Variants in ZNF345 observed in about 807,000 individuals in gnomAD.
ZNF345 encodes zinc finger protein 345, also known as zinc finger protein HZF10.
For missense variants in ZNF345, 527 were observed against 589.9 expected, an observed-to-expected ratio of 0.89 and a Z score of 1.10; for synonymous variants, 166 against 187.9, an observed-to-expected ratio of 0.88 and a Z score of 0.95.
At position 36,878,431 on chromosome 19, in the gene ZNF345, A is replaced by G. The variant is rs1159758459; in HGVS notation, c.*134A>G. 1.4e-6 allele frequency: 1 copy of G among 699,836 alleles called. No individual in the cohort carries two copies. Among genetic ancestry groups the G allele is most frequent in the Non-Finnish European group, 2.2e-6 (1 of 464,724 alleles). The allele number at this position is 699,836 out of a possible 1,614,324, so 43.4% of individuals were successfully genotyped here. ...GGTTAGTCAGTCTAAGAATATTTAT[A>G]CAGGAAAAAAATCACCCCAAATAAA... On this transcript the variant is annotated 3_prime_UTR_variant, in exon 3 of 3. Transcript: ENST00000420450.
Position 36,877,244 on chromosome 19 carries a change from A to G in ZNF345, c.414A>G (p.Arg138=), listed in dbSNP as rs141127636. Residue 138 remains arginine (R), a synonymous_variant, in exon 3 of 3, where the codon AGA becomes AGG. Coordinates refer to ENST00000420450, the MANE Select transcript of ZNF345 (RefSeq NM_001242472.2). ...GSGSNLTHHQ[R]IHTGEKPYEC... ...GCTCAAACCTTACTCACCATCAGAG[A>G]ATTCATACTGGTGAGAAACCCTATG... is the stretch of plus-strand genomic sequence containing the variant. The G allele has an allele frequency of 8.5e-3, 13,647 of 1,614,094 alleles. 74 individuals carry two copies. Among genetic ancestry groups the G allele is most frequent in the Non-Finnish European group, 9.6e-3 (11,335 of 1,179,998 alleles).
At chr19:36,853,037 C>A (rs772653198) in intron 2 of ZNF345, among the ~76,000 whole-genome samples, 1 of 151,616 alleles carries the variant, frequency 6.6e-6, no homozygotes, top group African/African-American at 2.4e-5. Context: ...GTAAATTAAT[C>A]TTTTTTCAGT....
chr19:36,880,977 G>C (rs1470273656), downstream of ZNF345, among the ~76,000 whole-genome samples: 1 of 151,856 alleles, frequency 6.6e-6, no homozygotes, highest in African/African-American at 2.4e-5. Context: ...GCTGGAGAAA[G>C]AATAACTACA....
upstream of ZNF345, chr19:36,850,441 A>G (rs1483879326): frequency 2.6e-5 from 4 of 152,454 alleles, no homozygotes; most frequent in East Asian, 7.7e-4. Flanking sequence ...TCAACTTCCA[A>G]TACAACAGCA....
At chr19:36,855,825 C>T (rs1378854347) in intron 2 of ZNF345, among the ~76,000 whole-genome samples, 3 of 152,320 alleles carry the variant, frequency 2.0e-5, no homozygotes, top group Admixed American at 6.5e-5. Flanking sequence ...TAATTTCTGC[C>T]TCTACATCTT....
intron 2 of ZNF345, among the ~76,000 whole-genome samples, chr19:36,857,823 G>T (rs962495633): frequency 6.6e-6 from 1 of 151,850 alleles, no homozygotes; most frequent in African/African-American, 2.4e-5. Flanking sequence ...TTGTCACCCC[G>T]GCTGGAGTGC....
downstream of ZNF345, among the ~76,000 whole-genome samples, chr19:36,882,510 G>C (rs1177946880): frequency 1.3e-5 from 2 of 152,022 alleles, no homozygotes; most frequent in African/African-American, 4.8e-5. Flanking sequence ...CTCGTGATCC[G>C]CCCGCCTCGG....
chr19:36,878,296 G>C lies in ZNF345; in HGVS notation c.1466G>C (p.Ter489SerextTer9), dbSNP rs1189835476. ...CTCTGCGAATTGGAAACTATAAATTGAAATTATGTGCTGAAGGAAGGACTC... is the reference window on the plus strand; with the variant it reads ...CTCTGCGAATTGGAAACTATAAATTCAAATTATGTGCTGAAGGAAGGACTC... ...KKLCELETIN[*>S] The change falls in exon 3 of 3, where the codon TGA (stop) becomes TCA (serine). Residue 489 changes from the stop codon to serine, a stop_lost. Coordinates refer to ENST00000420450, the MANE Select transcript of ZNF345 (RefSeq NM_001242472.2). 1 of 1,557,796 alleles carries C rather than the reference G, an allele frequency of 6.4e-7. No homozygotes were observed. The highest frequency in any genetic ancestry group is 1.3e-5 in the South Asian group (1 of 79,926).
At chr19:36,869,981 A>C (rs2072740996) in intron 2 of ZNF345, among the ~76,000 whole-genome samples, 1 of 152,262 alleles carries the variant, frequency 6.6e-6, no homozygotes, top group South Asian at 2.1e-4. Context: ...GGGTTTCACC[A>C]TGTGGGCCAG....
downstream of ZNF345, among the ~76,000 whole-genome samples, chr19:36,883,253 C>CA (rs2072978858): frequency 6.6e-6 from 1 of 152,154 alleles, no homozygotes; most frequent in African/African-American, 2.4e-5. Flanking sequence ...TATTAAAGAG[C>CA]AGAAAAGTAA....
chr19:36,866,824 T>TA (rs1362389325), intron 2 of ZNF345, among the ~76,000 whole-genome samples: 2 of 152,226 alleles, frequency 1.3e-5, no homozygotes, highest in Non-Finnish European at 2.9e-5. Flanking sequence ...GTGCTAGTAT[T>TA]ACAGGCGTGA....
chr19:36,870,270 AC>A (rs1374173334), intron 2 of ZNF345, among the ~76,000 whole-genome samples: 1 of 152,174 alleles, frequency 6.6e-6, no homozygotes, highest in Admixed American at 6.5e-5. Flanking sequence ...AATTACTATT[AC>A]CTTTTTGTCC....
At chr19:36,881,563 C>A (rs1322077835), downstream of ZNF345, among the ~76,000 whole-genome samples, 1 of 152,046 alleles carries the variant, frequency 6.6e-6, no homozygotes, top group Non-Finnish European at 1.5e-5. Context: ...AGTGAATATT[C>A]TGGCATTCAA....
intron 2 of ZNF345, among the ~76,000 whole-genome samples, chr19:36,865,783 G>A (rs1003288559): frequency 6.6e-6 from 1 of 152,216 alleles, no homozygotes; most frequent in Admixed American, 6.5e-5. Context: ...GCACATATTT[G>A]ACGTGTCCCT....
chr19:36,862,984 G>A (rs758394003), intron 2 of ZNF345: 2 of 152,328 alleles, frequency 1.3e-5, no homozygotes, highest in South Asian at 2.1e-4. Flanking sequence ...TGAGTGCATA[G>A]CAAGAAAGTG....
chr19:36,850,467 C>T (rs1488613946), upstream of ZNF345: 2 of 152,316 alleles, frequency 1.3e-5, no homozygotes, highest in Non-Finnish European at 2.9e-5. Context: ...AGATTTATAG[C>T]TAACGGGCTG....
At position 36,891,771 on chromosome 19, in the gene ZNF345, A is replaced by C. The variant is rs746024713; in HGVS notation, c.47-1047A>C. On this transcript the variant is annotated intron_variant, in intron 3 of 3. Transcript: ENST00000526123. Reference sequence around the variant, plus strand: ...CACCAGCATGAATTCTGTGATGGTTAGTAAGTGTTGAGGCACTATTAAAGG... The same window carrying C: ...CACCAGCATGAATTCTGTGATGGTTCGTAAGTGTTGAGGCACTATTAAAGG... 4.3e-6 allele frequency: 7 copies of C among 1,614,180 alleles called. No homozygotes were observed. In the South Asian group the frequency reaches 7.7e-5, roughly 18 times the overall value.
At chr19:36,862,873 C>T (rs1266138052) in intron 2 of ZNF345, 1 of 151,730 alleles carries the variant, frequency 6.6e-6, no homozygotes, top group East Asian at 1.9e-4. Context: ...AAAATGAGGC[C>T]ATTAAGGTGA....
chr19:36,853,253 T>C (rs2072328401), intron 2 of ZNF345, among the ~76,000 whole-genome samples: 1 of 148,564 alleles, frequency 6.7e-6, no homozygotes, highest in African/African-American at 2.5e-5. Flanking sequence ...TTCTTTTTTT[T>C]TTTTTTTTTT....
Sources: allele counts gnomAD v4.1 joint callset (sites outside exome capture counted in the v4.1 genomes callset), GRCh38; gene constraint gnomAD v4.1.1; transcripts MANE v1.5; gene names NCBI Gene and HGNC (gene_info 2026-07-23, HGNC 2026-07-21).